The following DIAPH2 variants were observed in gnomAD, a reference collection of about 807,000 sequenced individuals.
The protein encoded by DIAPH2 is protein diaphanous homolog 2.
DIAPH2 carries 35 observed loss-of-function variants against 92.7 expected under a neutral mutation model. That is an observed-to-expected ratio of 0.38 (90% CI 0.29 to 0.50). The LOEUF (loss-of-function observed/expected upper bound fraction) is 0.50, where lower values mean the gene tolerates loss of function less well. DIAPH2 is among the 20% of genes least tolerant of loss of function. The pLI is 0.94. For missense variants in DIAPH2, 701 were observed against 819.5 expected (o/e 0.86, Z 1.77); for synonymous variants, 301 against 280.4 (o/e 1.07, Z -0.73).
intron 26 of DIAPH2, chrX:97,533,225 A>T: frequency 9.0e-6 from 1 of 111,451 alleles, no homozygotes; most frequent in Non-Finnish European, 1.9e-5. Context: ...TAGCAAAGTT[A>T]CCAAATTCAG....
intron 23 of DIAPH2, among the ~76,000 whole-genome samples, chrX:97,251,123 G>T (rs771655453): frequency 3.5e-4 from 39 of 111,336 alleles, no homozygotes; most frequent in African/African-American, 1.2e-3. Flanking sequence ...AAAATCAGTC[G>T]TTCTTGACCC....
In DIAPH2 at chrX:97,407,786, A is replaced by G. The variant is rs1244600681; in HGVS notation, c.3146-21864A>G. 4.5e-5 allele frequency among the ~76,000 whole-genome samples: 5 copies of G among 112,258 alleles called. 1 individual carries two copies. The highest frequency in any genetic ancestry group is 3.8e-4 in the Admixed American group (4 of 10,525). ...AGTGACACAACAGTAACTAGATGGC[A>G]ACATAGTAACTTCATAAAATAGCAT... On this transcript the variant is annotated intron_variant, in intron 25 of 26. Coordinates refer to ENST00000324765, the MANE Select transcript of DIAPH2 (RefSeq NM_006729.5).
chrX:97,368,469 A>C (rs182047609), intron 24 of DIAPH2, among the ~76,000 whole-genome samples: 169 of 112,308 alleles, frequency 1.5e-3, no homozygotes, highest in African/African-American at 5.3e-3. Context: ...ATTTGGGAGC[A>C]GCCATTTAAG....
chrX:97,470,820 A>G (rs192653210), intron 26 of DIAPH2, among the ~76,000 whole-genome samples: 1 of 110,673 alleles, frequency 9.0e-6, no homozygotes, highest in African/African-American at 3.3e-5. Context: ...GTTGCTATGC[A>G]CAAAAGAGGT....
At chrX:96,848,215 A>AT (rs1208085141) in intron 4 of DIAPH2, among the ~76,000 whole-genome samples, 1 of 110,107 alleles carries the variant, frequency 9.1e-6, no homozygotes, top group East Asian at 2.9e-4. Flanking sequence ...AATTTAAAAA[A>AT]TTTTTTTGTA....
chrX:97,437,877 A>C (rs1427447310), intron 26 of DIAPH2, among the ~76,000 whole-genome samples: 3 of 110,122 alleles, frequency 2.7e-5, no homozygotes, highest in Non-Finnish European at 3.8e-5. Flanking sequence ...ATCACCCAGA[A>C]AGGACATCTC....
At position 97,383,957 on chromosome X, in the gene DIAPH2, A is replaced by G; in HGVS notation, c.3058A>G (p.Arg1020Gly). 2 of 1,205,596 alleles carry G rather than the reference A, an allele frequency of 1.7e-6. No homozygotes were observed. Among genetic ancestry groups the G allele is most frequent in the Non-Finnish European group, 2.2e-6 (2 of 891,586 alleles). ...GAGAAGAGAAATGGAAGAGAAGACCAGGAGGGCAAAACTTGCAAAAGAGAA... is the reference window on the plus strand; with the variant it reads ...GAGAAGAGAAATGGAAGAGAAGACCGGGAGGGCAAAACTTGCAAAAGAGAA... ...NKRREMEEKTRRAKLAKEKAE... is the reference protein window; with the variant it reads ...NKRREMEEKTGRAKLAKEKAE... Residue 1020 changes from arginine to glycine, a missense_variant, in exon 25 of 27, where the codon AGG becomes GGG. Physicochemically the swap from Arg to Gly is moderately radical, Grantham distance 125 (BLOSUM62 -2). Coordinates refer to ENST00000324765, the MANE Select transcript of DIAPH2 (RefSeq NM_006729.5).
chrX:96,874,266 A>G (rs1226392247), intron 4 of DIAPH2, among the ~76,000 whole-genome samples: 2 of 112,002 alleles, frequency 1.8e-5, no homozygotes, highest in Non-Finnish European at 3.8e-5. Flanking sequence ...TTTACATTTC[A>G]TTATCTGTTA....
At chrX:97,146,299 A>G (rs2067247367) in intron 22 of DIAPH2, among the ~76,000 whole-genome samples, 1 of 109,547 alleles carries the variant, frequency 9.1e-6, no homozygotes, top group Non-Finnish European at 1.9e-5. Flanking sequence ...ATCTCTTTGT[A>G]AAATGATCCC....
chrX:96,741,118 G>A (rs757597408), intron 3 of DIAPH2, among the ~76,000 whole-genome samples: 6 of 108,259 alleles, frequency 5.5e-5, no homozygotes, highest in Admixed American at 4.0e-4. Flanking sequence ...TTCTGCTTGT[G>A]TATAAATTTT....
At chrX:97,120,787 A>C (rs999050319) in intron 21 of DIAPH2, among the ~76,000 whole-genome samples, 1 of 110,223 alleles carries the variant, frequency 9.1e-6, no homozygotes, top group Non-Finnish European at 1.9e-5. Flanking sequence ...AGGCCATTAC[A>C]TGGTATTAGT....
intron 25 of DIAPH2, among the ~76,000 whole-genome samples, chrX:97,388,570 C>T (rs927611212): frequency 9.1e-6 from 1 of 110,150 alleles, no homozygotes; most frequent in Non-Finnish European, 1.9e-5. Flanking sequence ...ACAATCACCT[C>T]TTAATTACAT....
intron 17 of DIAPH2, among the ~76,000 whole-genome samples, chrX:97,054,697 G>A (rs1038398117): frequency 9.0e-6 from 1 of 111,646 alleles, no homozygotes; most frequent in Non-Finnish European, 1.9e-5. Flanking sequence ...ACACCAGGGT[G>A]CTATTAAGTT....
chrX:96,940,523 T>C (rs907475578), intron 12 of DIAPH2, among the ~76,000 whole-genome samples: 4 of 111,631 alleles, frequency 3.6e-5, no homozygotes, highest in African/African-American at 1.3e-4. Flanking sequence ...TTCTTTGATT[T>C]CTCAAAACCT....
chrX:97,085,856 T>G (rs1159618037), intron 19 of DIAPH2, among the ~76,000 whole-genome samples: 2 of 112,050 alleles, frequency 1.8e-5, no homozygotes, highest in Non-Finnish European at 1.9e-5. Flanking sequence ...CTAACAAAGC[T>G]AGATGGCAGT....
chrX:97,410,703 T>C (rs2069861194), intron 25 of DIAPH2, among the ~76,000 whole-genome samples: 1 of 111,703 alleles, frequency 9.0e-6, no homozygotes, highest in Non-Finnish European at 1.9e-5. Context: ...ATAAACAGTG[T>C]AGAGAAGACA....
intron 23 of DIAPH2, among the ~76,000 whole-genome samples, chrX:97,319,187 C>G (rs1195080122): frequency 8.9e-6 from 1 of 112,353 alleles, no homozygotes; most frequent in Non-Finnish European, 1.9e-5. Context: ...AATTTGTTCT[C>G]TTTCCATTTA....
chrX:97,336,573 A>G (rs1319145521), intron 23 of DIAPH2, among the ~76,000 whole-genome samples: 1 of 111,048 alleles, frequency 9.0e-6, no homozygotes, highest in Non-Finnish European at 1.9e-5. Context: ...TCAAATTGCA[A>G]TTTAAAAAAT....
At chrX:97,029,322 A>AT (rs1438810838) in intron 17 of DIAPH2, among the ~76,000 whole-genome samples, 2 of 108,264 alleles carry the variant, frequency 1.8e-5, no homozygotes, top group Non-Finnish European at 3.8e-5. Context: ...TAATTTTTGT[A>AT]TTTTTTGTAG....
Sources: gnomAD v4.1 joint callset for allele counts (sites outside exome capture counted in the v4.1 genomes callset) on GRCh38, gnomAD v4.1.1 for gene constraint, MANE v1.5 for transcripts, NCBI Gene and HGNC (gene_info 2026-07-23, HGNC 2026-07-21) for gene names.